The following TENM2 variants were observed in gnomAD, a reference collection of about 807,000 sequenced individuals.
TENM2 encodes the protein teneurin transmembrane protein 2.
TENM2 carries 52 observed loss-of-function variants against 245.2 expected under a neutral mutation model. The ratio of observed to expected loss-of-function variants is 0.21; its 90% CI spans 0.17 to 0.27. TENM2 has a LOEUF of 0.27. Among genes scored for constraint, TENM2 ranks in the 10% least tolerant of loss-of-function variants. The pLI is 1.00. For synonymous variants in TENM2, 1,363 were observed against 1,438.9 expected (o/e 0.95, Z 1.19); for missense variants, 3,046 against 3,666.8 (o/e 0.83, Z 4.37).
intron 3 of TENM2, among the ~76,000 whole-genome samples, chr5:167,921,112 T>C (rs572258115): frequency 6.6e-6 from 1 of 152,366 alleles, no homozygotes; most frequent in South Asian, 2.1e-4. Flanking sequence ...AGAAAATATA[T>C]GATTTCACCA....
chr5:167,963,216 A>G (rs1470694167), intron 4 of TENM2, among the ~76,000 whole-genome samples: 1 of 152,214 alleles, frequency 6.6e-6, no homozygotes, highest in Non-Finnish European at 1.5e-5. Flanking sequence ...TATCTATTAC[A>G]TAAGTAAAGT....
Position 167,452,931 on chromosome 5 carries a change from T to TTTATA in TENM2, c.502+77459_502+77460insTATAT, listed in dbSNP as rs1264260420. Among the ~76,000 whole-genome samples, 12 of 4,886 alleles carry TTTATA rather than the reference T, an allele frequency of 2.5e-3. 1 individual carries two copies. The highest frequency in any genetic ancestry group is 5.6e-3 in the Non-Finnish European group (8 of 1,420). 3.2% of individuals were successfully genotyped at this position (4,886 alleles called of 152,430 possible). ...TGTACCCTAGAACTTAAAGTATGAT[T>TTTATA]TATATATATATATATATATATATAT... On this transcript the variant is annotated intron_variant, in intron 2 of 28. Transcript: ENST00000518659.
At chr5:168,073,742 C>T (rs538778260) in intron 7 of TENM2, among the ~76,000 whole-genome samples, 39 of 152,284 alleles carry the variant, frequency 2.6e-4, no homozygotes, top group Non-Finnish European at 4.1e-4. Context: ...AATAACAGAT[C>T]GAGACTTACG....
chr5:167,304,967 C>T (rs1331796369), intron 1 of TENM2, among the ~76,000 whole-genome samples: 1 of 152,138 alleles, frequency 6.6e-6, no homozygotes, highest in Non-Finnish European at 1.5e-5. Flanking sequence ...ATGTACGTGA[C>T]ATTTAATAAA....
At chr5:167,195,654 A>T in the TENM2 span, among the ~76,000 whole-genome samples, 2 of 152,186 alleles carry the variant, frequency 1.3e-5, no homozygotes, top group South Asian at 4.1e-4. Context: ...CAGGCTGCAG[A>T]TCTATTATTT....
the TENM2 span, among the ~76,000 whole-genome samples, chr5:167,024,481 G>T: frequency 6.6e-6 from 1 of 152,158 alleles, no homozygotes; most frequent in Non-Finnish European, 1.5e-5. Flanking sequence ...CAGTGTCAGG[G>T]TGATGAAGAA....
intron 2 of TENM2, among the ~76,000 whole-genome samples, chr5:167,772,695 C>T (rs1215750098): frequency 4.6e-5 from 7 of 151,974 alleles, no homozygotes; most frequent in African/African-American, 1.7e-4. Flanking sequence ...AGATTGTCAC[C>T]ATGCCAAGTT....
chr5:167,140,382 T>C, the TENM2 span, among the ~76,000 whole-genome samples: 1 of 152,180 alleles, frequency 6.6e-6, no homozygotes, highest in African/African-American at 2.4e-5. Flanking sequence ...ATAGTAGGTC[T>C]TATTCATTCA....
intron 2 of TENM2, among the ~76,000 whole-genome samples, chr5:167,626,438 T>C (rs1277748662): frequency 2.6e-5 from 4 of 152,220 alleles, no homozygotes; most frequent in Non-Finnish European, 4.4e-5. Context: ...ATTCCAGTCT[T>C]CCTTATTCAT....
At chr5:168,200,301 G>A (rs948895823) in intron 17 of TENM2, among the ~76,000 whole-genome samples, 170 bp downstream of exon 19, 4 of 152,182 alleles carry the variant, frequency 2.6e-5, no homozygotes, top group Admixed American at 1.3e-4. Context: ...TTTTGGTGAG[G>A]TATTGAGATA....
chr5:167,689,956 C>T (rs547331532), intron 2 of TENM2, among the ~76,000 whole-genome samples: 3 of 152,184 alleles, frequency 2.0e-5, no homozygotes, highest in African/African-American at 4.8e-5. Context: ...CTCAGAGACT[C>T]TGCTGCTGCT....
At chr5:167,460,086 A>G (rs1286473094) in intron 2 of TENM2, among the ~76,000 whole-genome samples, 1 of 152,150 alleles carries the variant, frequency 6.6e-6, no homozygotes, top group Non-Finnish European at 1.5e-5. Context: ...TGAAAGAGCA[A>G]TAGAGATACA....
the TENM2 span, among the ~76,000 whole-genome samples, chr5:167,008,546 A>C: frequency 6.6e-6 from 1 of 152,068 alleles, no homozygotes; most frequent in South Asian, 2.1e-4. Flanking sequence ...ACATTTGATC[A>C]GTTTTGTGTG....
chr5:167,397,488 A>G (rs1361952962), intron 2 of TENM2, among the ~76,000 whole-genome samples: 1 of 152,142 alleles, frequency 6.6e-6, no homozygotes, highest in African/African-American at 2.4e-5. Flanking sequence ...TTTGTTGCAA[A>G]CCGAGCATTG....
At chr5:167,056,490 CAT>C in the TENM2 span, among the ~76,000 whole-genome samples, 1 of 144,562 alleles carries the variant, frequency 6.9e-6, no homozygotes, top group African/African-American at 2.5e-5. Flanking sequence ...ATATATTATA[CAT>C]ATATATTTTA....
At chr5:167,177,552 T>C in the TENM2 span, among the ~76,000 whole-genome samples, 2 of 152,200 alleles carry the variant, frequency 1.3e-5, no homozygotes, top group African/African-American at 4.8e-5. Context: ...GATCAGGTAT[T>C]AGAAGATACA....
chr5:168,148,702 A>G (rs1447113905), intron 12 of TENM2, among the ~76,000 whole-genome samples: 3 of 152,148 alleles, frequency 2.0e-5, no homozygotes, highest in African/African-American at 7.2e-5. Flanking sequence ...GAGAAACTGG[A>G]ATGTTTTATT....
rs567661322 is a variant in TENM2 at position 167,766,811 on chromosome 5, G to A, written c.503-109175G>A. On this transcript the variant is annotated intron_variant, in intron 2 of 28. Transcript: ENST00000518659. Reference sequence around the variant, plus strand: ...GGAGAATCGGTTGAACCTGGGAGGCGAAGGTTGCAGTGAGCCAAGATCGTG... The same window carrying A: ...GGAGAATCGGTTGAACCTGGGAGGCAAAGGTTGCAGTGAGCCAAGATCGTG... Among the ~76,000 whole-genome samples the A allele has an allele frequency of 2.0e-4, 30 of 152,160 alleles. 1 individual carries two copies. In the South Asian group the frequency reaches 5.4e-3, roughly 27 times the overall value.
At chr5:167,903,226 G>A (rs1446322318) in intron 3 of TENM2, among the ~76,000 whole-genome samples, 3 of 152,094 alleles carry the variant, frequency 2.0e-5, no homozygotes, top group Non-Finnish European at 4.4e-5. Context: ...AATAATAATT[G>A]TACACCTACC....
Sources: allele counts gnomAD v4.1 joint callset (sites outside exome capture counted in the v4.1 genomes callset), GRCh38; gene constraint gnomAD v4.1.1; transcripts MANE v1.5; gene names NCBI Gene and HGNC (gene_info 2026-07-23, HGNC 2026-07-21).